Variants in GRXCR1 observed in about 807,000 individuals in gnomAD.
GRXCR1 encodes the protein glutaredoxin domain-containing cysteine-rich protein 1.
GRXCR1 carries 27 observed loss-of-function variants against 27.3 expected under a neutral mutation model. The observed-to-expected ratio is 0.99, with a 90% confidence interval of 0.73 to 1.37. GRXCR1 has a LOEUF of 1.37. Among genes scored for constraint, GRXCR1 ranks in the 40% most tolerant of loss-of-function variants. GRXCR1 has a pLI of 0.00. For synonymous variants in GRXCR1, 122 were observed against 131.1 expected, an observed-to-expected ratio of 0.93 and a Z score of 0.47; for missense variants, 379 against 354.4, an observed-to-expected ratio of 1.07 and a Z score of -0.56.
intron 1 of GRXCR1, among the ~76,000 whole-genome samples, chr4:42,961,785 C>T (rs1021048402): frequency 6.6e-6 from 1 of 151,978 alleles, no homozygotes; most frequent in Non-Finnish European, 1.5e-5. Flanking sequence ...TACCTGTCCA[C>T]GTGCATCTTG....
chr4:43,022,439 A>G (rs1187275045), intron 3 of GRXCR1, among the ~76,000 whole-genome samples: 1 of 152,204 alleles, frequency 6.6e-6, no homozygotes, highest in Non-Finnish European at 1.5e-5. Flanking sequence ...AACTTTGGAA[A>G]AGAAGATGTT....
At chr4:42,980,273 TA>T (rs1748626000) in intron 2 of GRXCR1, among the ~76,000 whole-genome samples, 1 of 151,996 alleles carries the variant, frequency 6.6e-6, no homozygotes, top group Non-Finnish European at 1.5e-5. Context: ...CGTAGGTGTT[TA>T]TTGCTATAAA....
chr4:42,983,486 G>GA (rs1226641215), intron 2 of GRXCR1, among the ~76,000 whole-genome samples: 20 of 151,754 alleles, frequency 1.3e-4, no homozygotes, highest in African/African-American at 4.8e-4. Flanking sequence ...AAGTCAGGTA[G>GA]TGTGATGCCT....
At chr4:42,908,993 G>A (rs1279015854) in intron 1 of GRXCR1, among the ~76,000 whole-genome samples, 2 of 152,130 alleles carry the variant, frequency 1.3e-5, no homozygotes, top group Non-Finnish European at 1.5e-5. Flanking sequence ...AGAAGCCTAC[G>A]AAGAGATCCA....
chr4:42,932,615 TATATAGAGAGAGAGAGAGAGAG>T (rs1398264443), intron 1 of GRXCR1, among the ~76,000 whole-genome samples: 7 of 33,952 alleles, frequency 2.1e-4, no homozygotes, highest in South Asian at 1.5e-3. Flanking sequence ...TATATATATA[TATATAGAGAGAGAGAGAGAGAG>T]AGAGAGAGAG....
intron 3 of GRXCR1, among the ~76,000 whole-genome samples, chr4:43,023,985 G>T (rs1713173647): frequency 6.6e-6 from 1 of 152,072 alleles, no homozygotes; most frequent in African/African-American, 2.4e-5. Flanking sequence ...AACCAAGATG[G>T]ATAGCTAATT....
rs1483618194 is a variant in GRXCR1 at position 43,024,623 on chromosome 4, T to C, written c.693+4204T>C. Among the ~76,000 whole-genome samples, 3 of 152,196 alleles carry C rather than the reference T, an allele frequency of 2.0e-5. No homozygotes were observed. In the East Asian group the frequency reaches 5.8e-4, roughly 29 times the overall value. On this transcript the variant is annotated intron_variant, in intron 3 of 3. Coordinates refer to ENST00000399770, the MANE Select transcript of GRXCR1 (RefSeq NM_001080476.3). ...TACATTTAGAATTATGAGCTACAAA[T>C]TTCCCTTGTCTGCATTTTGTTCAGT...
intron 1 of GRXCR1, among the ~76,000 whole-genome samples, chr4:42,910,970 A>G (rs1746710946): frequency 6.6e-6 from 1 of 152,118 alleles, no homozygotes; most frequent in African/African-American, 2.4e-5. Flanking sequence ...TAAGTCTTCT[A>G]TAGCTCTTGT....
intron 1 of GRXCR1, among the ~76,000 whole-genome samples, chr4:42,920,336 G>A (rs1380381298): frequency 6.7e-6 from 1 of 150,304 alleles, no homozygotes; most frequent in Non-Finnish European, 1.5e-5. Flanking sequence ...CAGCCAAAAA[G>A]CCTTTTATTT....
rs564447094 is a variant in GRXCR1, at chr4:42,949,934, C to T, written c.385-12958C>T. Among the ~76,000 whole-genome samples the T allele has an allele frequency of 3.9e-5, 6 of 152,280 alleles. No homozygotes were observed. In the East Asian group the frequency reaches 1.2e-3, roughly 29 times the overall value. ...GGACTGAAATAACTTCTCTTCATCA[C>T]ACTGACATTTATGAAAGAATCAGGC... On this transcript the variant is annotated intron_variant, in intron 1 of 3. Transcript: ENST00000399770.
intron 1 of GRXCR1, among the ~76,000 whole-genome samples, chr4:42,920,091 C>T (rs1746974553): frequency 6.6e-6 from 1 of 152,096 alleles, no homozygotes; most frequent in Non-Finnish European, 1.5e-5. Flanking sequence ...ACATTGCTGA[C>T]CATTCATTAG....
At chr4:42,934,200 A>C (rs1290014040) in intron 1 of GRXCR1, among the ~76,000 whole-genome samples, 1 of 150,476 alleles carries the variant, frequency 6.6e-6, no homozygotes, top group Admixed American at 6.7e-5. Flanking sequence ...TGTTGAGTTG[A>C]GACTTCATAA....
chr4:42,968,643 A>G (rs1435745971), intron 2 of GRXCR1, among the ~76,000 whole-genome samples: 1 of 152,094 alleles, frequency 6.6e-6, no homozygotes. Flanking sequence ...TCCATCCTCA[A>G]GTTCTCCTAA....
At chr4:42,974,398 G>C (rs1429108630) in intron 2 of GRXCR1, among the ~76,000 whole-genome samples, 1 of 152,116 alleles carries the variant, frequency 6.6e-6, no homozygotes, top group Non-Finnish European at 1.5e-5. Flanking sequence ...TAATTTTTAA[G>C]TGTTTATCTA....
At chr4:42,904,819 C>A (rs941253892) in intron 1 of GRXCR1, among the ~76,000 whole-genome samples, 1 of 151,928 alleles carries the variant, frequency 6.6e-6, no homozygotes, top group East Asian at 1.9e-4. Flanking sequence ...GAATCTAATT[C>A]TTTCTTATGA....
intron 1 of GRXCR1, among the ~76,000 whole-genome samples, chr4:42,905,698 A>G (rs1025419586): frequency 1.3e-5 from 2 of 152,186 alleles, no homozygotes; most frequent in African/African-American, 2.4e-5. Context: ...GCAAAAGAAA[A>G]CATTCCTTAC....
At chr4:42,997,413 A>G (rs1462346581) in intron 2 of GRXCR1, among the ~76,000 whole-genome samples, 2 of 152,228 alleles carry the variant, frequency 1.3e-5, no homozygotes, top group Non-Finnish European at 2.9e-5. Flanking sequence ...AGAAGGGAAT[A>G]ATAATAAAAA....
chr4:42,995,604 G>A (rs549224036), intron 2 of GRXCR1, among the ~76,000 whole-genome samples: 1 of 152,092 alleles, frequency 6.6e-6, no homozygotes, highest in Non-Finnish European at 1.5e-5. Flanking sequence ...ATTGAGTGGC[G>A]TTGAGAAAAG....
At chr4:42,897,681 A>C (rs187364887) in intron 1 of GRXCR1, among the ~76,000 whole-genome samples, 30 of 152,208 alleles carry the variant, frequency 2.0e-4, no homozygotes, top group Admixed American at 2.0e-3. Flanking sequence ...GCTAAGAACA[A>C]AGTATACCTC....
Sources: gnomAD v4.1 joint callset for allele counts (sites outside exome capture counted in the v4.1 genomes callset) on GRCh38, gnomAD v4.1.1 for gene constraint, MANE v1.5 for transcripts, NCBI Gene and HGNC (gene_info 2026-07-23, HGNC 2026-07-21) for gene names.